KCNB2: variants seen among roughly 807,000 people sequenced by gnomAD.
The protein encoded by KCNB2 is delayed rectifier potassium channel protein.
A neutral mutation model predicts 61.5 loss-of-function variants in KCNB2; 15 were observed. The ratio of observed to expected loss-of-function variants is 0.24; its 90% CI spans 0.16 to 0.38. The LOEUF (loss-of-function observed/expected upper bound fraction) is 0.38. Among genes scored for constraint, KCNB2 ranks in the 10% least tolerant of loss-of-function variants. The probability of loss-of-function intolerance (pLI) is 1.00; values close to 1 mark genes in which losing one functional copy is unlikely to be tolerated. For synonymous variants in KCNB2, 457 were observed against 446.0 expected, an observed-to-expected ratio of 1.02 and a Z score of -0.31; for missense variants, 828 against 1,125.2, an observed-to-expected ratio of 0.74 and a Z score of 3.78.
chr8:72,572,206 A>G (rs1277602530), intron 2 of KCNB2, among the ~76,000 whole-genome samples: 1 of 152,186 alleles, frequency 6.6e-6, no homozygotes, highest in Admixed American at 6.5e-5. Flanking sequence ...AAATCCAGCT[A>G]CCTGGGTTCA....
intron 2 of KCNB2, among the ~76,000 whole-genome samples, chr8:72,696,993 A>G (rs1050732411): frequency 6.6e-6 from 1 of 152,212 alleles, no homozygotes; most frequent in African/African-American, 2.4e-5. Flanking sequence ...CGTCATTCAT[A>G]TGCAAGACTA....
intron 2 of KCNB2, among the ~76,000 whole-genome samples, chr8:72,569,845 C>T (rs986592163): frequency 6.6e-6 from 1 of 151,986 alleles, no homozygotes; most frequent in African/African-American, 2.4e-5. Flanking sequence ...ATCATTGTTC[C>T]ATCAAAATTT....
At chr8:72,887,475 C>T (rs560351980) in intron 2 of KCNB2, among the ~76,000 whole-genome samples, 1 of 152,296 alleles carries the variant, frequency 6.6e-6, no homozygotes, top group South Asian at 2.1e-4. Context: ...CAGATAAACT[C>T]TGTACGAGCT....
At chr8:72,577,423 C>G (rs1806815458) in intron 2 of KCNB2, among the ~76,000 whole-genome samples, 1 of 152,158 alleles carries the variant, frequency 6.6e-6, no homozygotes, top group Non-Finnish European at 1.5e-5. Context: ...AAGCAATGAA[C>G]TTCAGCATGT....
chr8:72,685,445 G>T (rs527615521), intron 2 of KCNB2, among the ~76,000 whole-genome samples: 1 of 152,154 alleles, frequency 6.6e-6, no homozygotes, highest in East Asian at 1.9e-4. Context: ...ATGTTGAATC[G>T]TACCAACACG....
chr8:72,757,176 A>G (rs946960508), intron 2 of KCNB2, among the ~76,000 whole-genome samples: 4 of 152,108 alleles, frequency 2.6e-5, no homozygotes, highest in African/African-American at 7.2e-5. Context: ...GAGAACCATG[A>G]GAACTGTCAT....
chr8:72,776,193 T>C (rs899957771), intron 2 of KCNB2, among the ~76,000 whole-genome samples: 2 of 139,524 alleles, frequency 1.4e-5, no homozygotes, highest in South Asian at 2.2e-4. Context: ...TAGGTGGGAA[T>C]TGAACAATGA....
chr8:72,576,937 G>A (rs1019102727), intron 2 of KCNB2, among the ~76,000 whole-genome samples: 1 of 152,158 alleles, frequency 6.6e-6, no homozygotes, highest in African/African-American at 2.4e-5. Flanking sequence ...AAATGGAAGA[G>A]GAAGACATTT....
intron 2 of KCNB2, among the ~76,000 whole-genome samples, chr8:72,841,422 T>C (rs1315364125): frequency 2.1e-5 from 3 of 144,814 alleles, no homozygotes; most frequent in Non-Finnish European, 1.5e-5. Context: ...GCAGGCTCTG[T>C]TTTGGTTCCA....
At chr8:72,621,728 AC>A (rs1372276709) in intron 2 of KCNB2, among the ~76,000 whole-genome samples, 1 of 152,176 alleles carries the variant, frequency 6.6e-6, no homozygotes, top group African/African-American at 2.4e-5. Context: ...TGGCGTTAAC[AC>A]CACAGTTTTA....
intron 1 of KCNB2, among the ~76,000 whole-genome samples, chr8:72,558,872 G>T (rs1210620515): frequency 6.6e-6 from 1 of 152,118 alleles, no homozygotes; most frequent in Non-Finnish European, 1.5e-5. Flanking sequence ...TCGTCAGGGA[G>T]GTCAGGGGAC....
chr8:72,779,105 C>T (rs546785783), intron 2 of KCNB2, among the ~76,000 whole-genome samples: 52 of 152,284 alleles, frequency 3.4e-4, no homozygotes, highest in African/African-American at 1.1e-3. Flanking sequence ...GCCCTCCTGA[C>T]CTGTGGCTCA....
In KCNB2 at chr8:72,779,043, T is replaced by A. The variant is rs957095653; in HGVS notation, c.580-156892T>A. Reference sequence around the variant, plus strand: ...GTTGGATTGCTGAGCTCTGTGGTGATTCCCTGTGCCCCAGTCACAGCAAGT... The same window carrying A: ...GTTGGATTGCTGAGCTCTGTGGTGAATCCCTGTGCCCCAGTCACAGCAAGT... On this transcript the variant is annotated intron_variant, in intron 2 of 2. Transcript: ENST00000523207. Among the ~76,000 whole-genome samples, 4 of 152,232 alleles carry A rather than the reference T, an allele frequency of 2.6e-5. No homozygotes were observed. The Middle Eastern group carries it at 0.01, about 388-fold the overall frequency.
chr8:72,710,830 C>T (rs2128991786), intron 2 of KCNB2, among the ~76,000 whole-genome samples: 1 of 152,276 alleles, frequency 6.6e-6, no homozygotes, highest in South Asian at 2.1e-4. Flanking sequence ...AATGAAAGTA[C>T]AGGTTTTCCT....
chr8:72,721,227 T>C (rs2128992762), intron 2 of KCNB2, among the ~76,000 whole-genome samples: 1 of 152,382 alleles, frequency 6.6e-6, no homozygotes, highest in East Asian at 1.9e-4. Flanking sequence ...GCTATTGCTA[T>C]GACACACGTT....
intron 2 of KCNB2, among the ~76,000 whole-genome samples, chr8:72,708,721 G>A (rs1472406455): frequency 6.6e-6 from 1 of 152,164 alleles, no homozygotes; most frequent in African/African-American, 2.4e-5. Flanking sequence ...CTTGTTTTAT[G>A]TCAGTCTTGT....
chr8:72,841,618 G>A (rs1198319953), intron 2 of KCNB2, among the ~76,000 whole-genome samples: 1 of 152,030 alleles, frequency 6.6e-6, no homozygotes, highest in Non-Finnish European at 1.5e-5. Context: ...TTGGGCAGTG[G>A]TTTGTAGTTC....
intron 2 of KCNB2, among the ~76,000 whole-genome samples, chr8:72,826,762 T>C (rs1809602683): frequency 6.6e-6 from 1 of 152,208 alleles, no homozygotes; most frequent in South Asian, 2.1e-4. Flanking sequence ...AAAGAACTAA[T>C]TTCTTCACTA....
rs75184434 is a variant in KCNB2 at position 72,726,695 on chromosome 8, C to T, written c.579+158382C>T. ...TACAGGTTATTTGTCTTTCGTTTTT[C>T]TTTGTGCTTTTACAAGTTCTGCATT... On this transcript the variant is annotated intron_variant, in intron 2 of 2. Coordinates refer to ENST00000523207, the MANE Select transcript of KCNB2 (RefSeq NM_004770.3). Among the ~76,000 whole-genome samples the T allele has an allele frequency of 7.2e-3, 1,101 of 152,224 alleles. 14 individuals carry two copies. Among genetic ancestry groups the T allele is most frequent in the African/African-American group, 0.025 (1,038 of 41,558 alleles).
Sources: gnomAD v4.1 joint callset for allele counts (sites outside exome capture counted in the v4.1 genomes callset) on GRCh38, gnomAD v4.1.1 for gene constraint, MANE v1.5 for transcripts, NCBI Gene and HGNC (gene_info 2026-07-23, HGNC 2026-07-21) for gene names.